Variants in CLSTN3 observed in about 807,000 individuals in gnomAD.
The protein encoded by CLSTN3 is calsyntenin-3.
CLSTN3 carries 36 observed loss-of-function variants against 95.9 expected under a neutral mutation model. The observed-to-expected ratio is 0.38, with a 90% CI of 0.29 to 0.50. The LOEUF (loss-of-function observed/expected upper bound fraction) is 0.50, where lower values mean the gene tolerates loss of function less well. Among genes scored for constraint, CLSTN3 ranks in the 20% least tolerant of loss-of-function variants. The pLI is 0.95. For missense variants in CLSTN3, 1,084 were observed against 1,268.8 expected, an observed-to-expected ratio of 0.85 and a Z score of 2.21; for synonymous variants, 481 against 504.0, an observed-to-expected ratio of 0.95 and a Z score of 0.61.
rs764158378 is a variant in CLSTN3, at chr12:7,141,326, C to T, written c.1408C>T (p.Pro470Ser). The T allele has an allele frequency of 6.2e-7, 1 of 1,614,178 alleles. No individual in the cohort carries two copies. The highest frequency in any genetic ancestry group is 1.1e-5 in the South Asian group (1 of 91,086). Residue 470 changes from proline (P) to serine (S), a missense_variant, in exon 9 of 18, where the codon CCT becomes TCT. By Grantham distance (74) the Pro-to-Ser change is moderately conservative. Coordinates refer to ENST00000266546, the MANE Select transcript of CLSTN3 (RefSeq NM_014718.4). This position sits in a 1 kb window ranked among gnomAD's most constrained non-coding sequence, Gnocchi z 4.1. ...TLYTDGISFD[P>S]ALIHDNGLIH... The stretch of plus-strand genomic sequence containing the variant: ...CTATACCGACGGCATCTCCTTCGAC[C>T]CTGCCCTCATCCATGACAATGGCCT...
Position 7,150,628 on chromosome 12 carries a change from A to G in CLSTN3, c.2330A>G (p.Lys777Arg). 1 of 1,614,186 alleles carries G rather than the reference A, an allele frequency of 6.2e-7. No homozygotes were observed. Among genetic ancestry groups the G allele is most frequent in the Middle Eastern group, 1.6e-4 (1 of 6,062 alleles). The stretch of plus-strand genomic sequence containing the variant: ...CACGGAGCTGCCCTCTACACCAGGA[A>G]GTTCCGGCTTTCCTGCTCGGAAATG... ...LRHGAALYTR[K>R]FRLSCSEMNG... The change falls in exon 15 of 18, where the codon AAG becomes AGG. Residue 777 changes from lysine to arginine, a missense_variant. Physicochemically the swap from Lys to Arg is conservative, Grantham distance 26. Coordinates refer to ENST00000266546, the MANE Select transcript of CLSTN3 (RefSeq NM_014718.4). This position sits in a 1 kb window ranked among gnomAD's most constrained non-coding sequence, Gnocchi z 4.0.
chr12:7,157,875 C>G lies in CLSTN3; in HGVS notation c.2731-66C>G. The G allele has an allele frequency of 6.5e-7, 1 of 1,540,006 alleles. No individual in the cohort carries two copies. Among genetic ancestry groups the G allele is most frequent in the Non-Finnish European group, 8.7e-7 (1 of 1,144,574 alleles). On this transcript the variant is annotated intron_variant, in intron 17 of 17. Transcript: ENST00000266546. This position sits in a 1 kb window ranked among gnomAD's most constrained non-coding sequence, Gnocchi z 5.9. Reference sequence around the variant, plus strand: ...TAAGGGGACCGAGGGAAGTGTGGTCCCTGAAAGAGAGGCTGGGATGTGTGC... The same window carrying G: ...TAAGGGGACCGAGGGAAGTGTGGTCGCTGAAAGAGAGGCTGGGATGTGTGC...
Position 7,131,045 on chromosome 12 carries a change from C to A in CLSTN3, c.64+333C>A, listed in dbSNP as rs1939289892. On this transcript the variant is annotated intron_variant, in intron 1 of 17. Transcript: ENST00000266546. ...GCTACCTCGGGTCTGGGAAGGACTGCCCCCGAGCCGGTGATAGGCCTCTCC... is the reference window on the plus strand; with the variant it reads ...GCTACCTCGGGTCTGGGAAGGACTGACCCCGAGCCGGTGATAGGCCTCTCC... The A allele has an allele frequency of 8.6e-6, 4 of 463,234 alleles. No individual in the cohort carries two copies. In the Admixed American group the frequency reaches 1.0e-4, roughly 12 times the overall value. 28.7% of individuals were successfully genotyped at this position (463,234 alleles called of 1,614,324 possible). A position where few individuals can be genotyped will look rare whatever the true frequency, so the allele number is the denominator to read the frequency against.
At position 7,150,528 on chromosome 12, in the gene CLSTN3, G is replaced by T. The variant is rs747771132; in HGVS notation, c.2246-16G>T. 32 of 1,603,828 alleles carry T rather than the reference G, an allele frequency of 2.0e-5. No individual in the cohort carries two copies. Among genetic ancestry groups the T allele is most frequent in the Non-Finnish European group, 2.6e-6 (3 of 1,172,498 alleles). ...CCTCCACTGGCCCCTGCCCTGAGGT[G>T]CTTCCTCATCTCCAGGGGTGGAGAG... On this transcript the variant is annotated splice_polypyrimidine_tract_variant and intron_variant, in intron 14 of 17. Transcript: ENST00000266546. This position sits in a 1 kb window ranked among gnomAD's most constrained non-coding sequence, Gnocchi z 4.0.
chr12:7,135,034 C>G (rs1216441698), intron 3 of CLSTN3, among the ~76,000 whole-genome samples: 1 of 152,056 alleles, frequency 6.6e-6, no homozygotes. Context: ...GTCGGGATTC[C>G]TGCTTGCTCC....
At chr12:7,140,833 G>A (rs1232758492) in intron 8 of CLSTN3, among the ~76,000 whole-genome samples, 3 of 152,182 alleles carry the variant, frequency 2.0e-5, no homozygotes, top group Admixed American at 6.5e-5. Flanking sequence ...CTTGAGCCGA[G>A]GGGTTTGAGG....
At chr12:7,138,273 T>TAAAAAAAAAAAAAAA (rs1032125660) in intron 8 of CLSTN3, among the ~76,000 whole-genome samples, 1 of 147,984 alleles carries the variant, frequency 6.8e-6, no homozygotes, top group East Asian at 1.9e-4. Context: ...CTTCTGGATT[T>TAAAAAAAAAAAAAAA]AAAAAAAAAA....
chr12:7,133,736 C>T lies in CLSTN3; in HGVS notation c.351C>T (p.Gly117=). ...FTIQAYDCGE[G]PDGANTKKSH... is the part of the protein sequence containing the mutation. ...TCCAGGCCTATGACTGTGGCGAGGG[C>T]CCCGACGGGGCCAACACCAAGAAGT... The change falls in exon 3 of 18, where the codon GGC becomes GGT. Residue 117 remains glycine (G), a synonymous_variant. Coordinates refer to ENST00000266546, the MANE Select transcript of CLSTN3 (RefSeq NM_014718.4). The surrounding 1 kb of genome is among the most constrained non-coding windows in gnomAD (Gnocchi z 4.7). 6.3e-7 allele frequency: 1 copy of T among 1,594,010 alleles called. No individual in the cohort carries two copies. Among genetic ancestry groups the T allele is most frequent in the African/African-American group, 1.4e-5 (1 of 73,978 alleles).
At chr12:7,140,820 T>C (rs970991953) in intron 8 of CLSTN3, among the ~76,000 whole-genome samples, 1 of 152,088 alleles carries the variant, frequency 6.6e-6, no homozygotes, top group Non-Finnish European at 1.5e-5. Context: ...AGTGGGAGGA[T>C]TGCTTGAGCC....
rs777180875 is a variant in CLSTN3, at chr12:7,138,046, G to A, written c.1302G>A (p.Lys434=). 1 of 1,613,834 alleles carries A rather than the reference G, an allele frequency of 6.2e-7. No individual in the cohort carries two copies. Among genetic ancestry groups the A allele is most frequent in the Admixed American group, 1.7e-5 (1 of 60,002 alleles). The stretch of plus-strand genomic sequence containing the variant: ...TGCTTGAGAGTGCCCGCCCAGTCAA[G>A]TTCCTCTGGAAGCTGGAGCAGGTGA... ...WPLLESARPV[K]FLWKLEQVCD... The change falls in exon 8 of 18, where the codon AAG becomes AAA. Residue 434 remains lysine (K), a synonymous_variant. Transcript: ENST00000266546.
rs974014487 is a variant in CLSTN3, at chr12:7,133,709, C to T, written c.324C>T (p.Thr108=). ...DCEAQKEHTF[T]IQAYDCGEGP... ...AGGCCCAGAAGGAACACACCTTCACCATCCAGGCCTATGACTGTGGCGAGG... is the reference window on the plus strand; with the variant it reads ...AGGCCCAGAAGGAACACACCTTCACTATCCAGGCCTATGACTGTGGCGAGG... Residue 108 remains threonine, a synonymous_variant, in exon 3 of 18, where the codon ACC becomes ACT. Coordinates refer to ENST00000266546, the MANE Select transcript of CLSTN3 (RefSeq NM_014718.4). The surrounding 1 kb of genome is among the most constrained non-coding windows in gnomAD (Gnocchi z 4.7). 1 of 1,613,144 alleles carries T rather than the reference C, an allele frequency of 6.2e-7. No individual in the cohort carries two copies. The highest frequency in any genetic ancestry group is 8.5e-7 in the Non-Finnish European group (1 of 1,179,632).
At chr12:7,142,828 C>A (rs750884839) in intron 10 of CLSTN3, 41 bp from the exon 11 acceptor site, 1 of 1,587,068 alleles carries the variant, frequency 6.3e-7, no homozygotes. Context: ...CCATCCTCCT[C>A]TCTTCTCACC....
intron 4 of CLSTN3, 112 bp downstream of exon 4, chr12:7,135,647 C>T: frequency 1.5e-6 from 2 of 1,359,926 alleles, no homozygotes; most frequent in Admixed American, 1.8e-5. Flanking sequence ...CTCACCTCAC[C>T]CTTCTTCCCA....
chr12:7,129,903 C>A, upstream of CLSTN3: 1 of 717,158 alleles, frequency 1.4e-6, no homozygotes, highest in Non-Finnish European at 1.7e-6. This position sits in a 1 kb window ranked among gnomAD's most constrained non-coding sequence, Gnocchi z 5.5. Flanking sequence ...GCGGACCGCC[C>A]TGTGGCTTCC....
At chr12:7,142,769 C>A in intron 10 of CLSTN3, 100 bp from the exon 11 acceptor site, 29 of 544,208 alleles carry the variant, frequency 5.3e-5, no homozygotes, top group Middle Eastern at 3.3e-4. Context: ...TCTTTCTCAA[C>A]TCTTCTGCTC....
At chr12:7,131,691 G>A in intron 1 of CLSTN3, 1 of 446,368 alleles carries the variant, frequency 2.2e-6, no homozygotes, top group Non-Finnish European at 4.5e-6. Flanking sequence ...AGGGCGCCCA[G>A]CCCTGCCCTT....
At chr12:7,143,803 T>G (rs1939574239) in intron 12 of CLSTN3, among the ~76,000 whole-genome samples, 1 of 152,204 alleles carries the variant, frequency 6.6e-6, no homozygotes, top group Admixed American at 6.5e-5. Flanking sequence ...CCCACCTGTT[T>G]TGTAGTTTTA....
chr12:7,129,188 G>A (rs945393241), upstream of CLSTN3: 5 of 272,474 alleles, frequency 1.8e-5, no homozygotes, highest in African/African-American at 1.1e-4. The surrounding 1 kb of genome is among the most constrained non-coding windows in gnomAD (Gnocchi z 5.5). Context: ...CTTGGGAACC[G>A]TCCCAGGGCC....
In CLSTN3 at chr12:7,130,531, GC is replaced by G. The variant is rs1310504553; in HGVS notation, c.-115del. The G allele has an allele frequency of 6.5e-7, 1 of 1,542,972 alleles. No homozygotes were observed. The highest frequency in any genetic ancestry group is 1.4e-5 in the African/African-American group (1 of 72,920). On this transcript the variant is annotated 5_prime_UTR_variant, in exon 1 of 18. Transcript: ENST00000266546. Reference sequence around the variant, plus strand: ...GGGCGGCAGGCTCCTTTCCGTCCCTGCCCTGCTGTACCCCGCTCCTTGGAGA... The same window carrying G: ...GGGCGGCAGGCTCCTTTCCGTCCCTGCCTGCTGTACCCCGCTCCTTGGAGA...
Sources: gnomAD v4.1 joint callset for allele counts (sites outside exome capture counted in the v4.1 genomes callset) on GRCh38, gnomAD v4.1.1 for gene constraint, Gnocchi (gnomAD v3.1) non-coding constraint, MANE v1.5 for transcripts, NCBI Gene and HGNC (gene_info 2026-07-23, HGNC 2026-07-21) for gene names.